RNF207: variants seen among roughly 807,000 people sequenced by gnomAD.
RNF207 encodes the protein ring finger protein 207.
RNF207 carries 72 observed loss-of-function variants against 79.0 expected under a neutral mutation model. That is an observed-to-expected ratio of 0.91 (90% CI 0.75 to 1.11). RNF207 has a LOEUF of 1.11. Among genes scored for constraint, RNF207 ranks in the 50% least tolerant of loss-of-function variants. The pLI, the probability that RNF207 is intolerant of heterozygous loss-of-function variation, is 0.00. For synonymous variants in RNF207, 348 were observed against 366.2 expected (o/e 0.95, Z 0.57); for missense variants, 936 against 855.8 (o/e 1.09, Z -1.17).
intron 16 of RNF207, 42 bp from the exon 17 acceptor site, chr1:6,218,246 TG>T: frequency 7.1e-7 from 1 of 1,402,108 alleles, no homozygotes; most frequent in African/African-American, 1.4e-5. Context: ...GTGCAGCAGC[TG>T]GCTCTGCTCC....
At position 6,217,949 on chromosome 1, in the gene RNF207, G is replaced by C. The variant is rs1469477548; in HGVS notation, c.1653-340G>C. Among the ~76,000 whole-genome samples, 1 of 152,162 alleles carries C rather than the reference G, an allele frequency of 6.6e-6. No homozygotes were observed. The highest frequency in any genetic ancestry group is 1.5e-5 in the Non-Finnish European group (1 of 68,036). ...TGGAGTATTCACAGACCCTCAGTCG[G>C]GCCCCAGCTTGGATGAGTGTCAGCA... is the stretch of plus-strand genomic sequence containing the variant. On this transcript the variant is annotated intron_variant, in intron 16 of 17. Coordinates refer to ENST00000377939, the MANE Select transcript of RNF207 (RefSeq NM_207396.3). This position sits in a 1 kb window ranked among gnomAD's most constrained non-coding sequence, Gnocchi z 4.2.
intron 17 of RNF207, among the ~76,000 whole-genome samples, chr1:6,218,926 A>G (rs910938533): frequency 6.6e-6 from 1 of 152,202 alleles, no homozygotes; most frequent in Non-Finnish European, 1.5e-5. Flanking sequence ...GTGACAGAGC[A>G]GAGTCTGGCC....
chr1:6,213,191 C>T lies in RNF207; in HGVS notation c.1652+8C>T, dbSNP rs769619776. 1.3e-6 allele frequency: 2 copies of T among 1,577,724 alleles called. No homozygotes were observed. The highest frequency in any genetic ancestry group is 3.4e-5 in the Admixed American group (2 of 59,618). ...GGAGCGGCTGGAGCCCAGGTGAGGCCAAGGGGGTGTTCCCAGGGCCACTGA... is the reference window on the plus strand; with the variant it reads ...GGAGCGGCTGGAGCCCAGGTGAGGCTAAGGGGGTGTTCCCAGGGCCACTGA... On this transcript the variant is annotated splice_region_variant and intron_variant, in intron 16 of 17. Transcript: ENST00000377939.
intron 16 of RNF207, among the ~76,000 whole-genome samples, chr1:6,214,626 C>CTTTTTTT (rs1553148919): frequency 2.4e-4 from 23 of 95,596 alleles, no homozygotes; most frequent in African/African-American, 1.4e-3. Flanking sequence ...TGGAATATTT[C>CTTTTTTT]TTTCTTTTTT....
chr1:6,209,067 G>A, intron 4 of RNF207, 42 bp downstream of exon 4: 1 of 1,539,028 alleles, frequency 6.5e-7, no homozygotes, highest in Non-Finnish European at 8.8e-7. Context: ...GGGTGGGGGC[G>A]GGGCGGGCAC....
chr1:6,218,407 T>C, intron 17 of RNF207, 38 bp downstream of exon 17: 1 of 1,478,246 alleles, frequency 6.8e-7, no homozygotes, highest in East Asian at 2.3e-5. Flanking sequence ...GTGCACGCGA[T>C]GTGGCTTCTG....
rs750349927 is a variant in RNF207, at chr1:6,219,420, G to C, written c.*13G>C. On this transcript the variant is annotated 3_prime_UTR_variant, in exon 18 of 18. Transcript: ENST00000377939. ...ACACCCGACTTAGCAAATGGGACCGGTCCCCAGGGTCAGGCTCTTAGAGCA... is the reference window on the plus strand; with the variant it reads ...ACACCCGACTTAGCAAATGGGACCGCTCCCCAGGGTCAGGCTCTTAGAGCA... The C allele has an allele frequency of 1.3e-6, 2 of 1,584,830 alleles. No homozygotes were observed. Among genetic ancestry groups the C allele is most frequent in the South Asian group, 1.1e-5 (1 of 88,056 alleles).
At position 6,219,415 on chromosome 1, in the gene RNF207, G is replaced by C. The variant is rs763753989; in HGVS notation, c.*8G>C. The C allele has an allele frequency of 1.3e-6, 2 of 1,592,252 alleles. No homozygotes were observed. Among genetic ancestry groups the C allele is most frequent in the Non-Finnish European group, 8.6e-7 (1 of 1,167,736 alleles). The stretch of plus-strand genomic sequence containing the variant: ...AGGGAACACCCGACTTAGCAAATGG[G>C]ACCGGTCCCCAGGGTCAGGCTCTTA... On this transcript the variant is annotated 3_prime_UTR_variant, in exon 18 of 18. Transcript: ENST00000377939.
At chr1:6,210,664 G>A (rs1266800540) in intron 10 of RNF207, 11 of 641,258 alleles carry the variant, frequency 1.7e-5, no homozygotes, top group Non-Finnish European at 2.8e-5. Context: ...GTGGGGCGGA[G>A]TGACCACTGG....
rs868617725 is a variant in RNF207, at chr1:6,206,837, G to T, written c.191+111G>T. The T allele has an allele frequency of 5.9e-5, 50 of 853,496 alleles. No individual in the cohort carries two copies. In the Middle Eastern group the frequency reaches 3.7e-3, roughly 63 times the overall value. The allele number at this position is 853,496 out of a possible 1,614,324, so 52.9% of individuals were successfully genotyped here. Reference sequence around the variant, plus strand: ...CAGGAGAGTAAGGCTCCAACTTCAGGCAGAACGACTGGGAGATACTGCACC... The same window carrying T: ...CAGGAGAGTAAGGCTCCAACTTCAGTCAGAACGACTGGGAGATACTGCACC... On this transcript the variant is annotated intron_variant, in intron 2 of 17. Coordinates refer to ENST00000377939, the MANE Select transcript of RNF207 (RefSeq NM_207396.3).
rs367922134 is a variant in RNF207, at chr1:6,213,170, C to T, written c.1639C>T (p.Arg547Trp). 216 of 1,610,108 alleles carry T rather than the reference C, an allele frequency of 1.3e-4. No homozygotes were observed. Among genetic ancestry groups the T allele is most frequent in the Non-Finnish European group, 1.7e-4 (206 of 1,177,450 alleles). The change falls in exon 16 of 18, where the codon CGG becomes TGG. Residue 547 changes from arginine to tryptophan, a missense_variant. Arg to Trp is a moderately radical substitution (Grantham distance 101). Transcript: ENST00000377939. ...CCGCTCCATTGCCAAGGTGAAGGAG[C>T]GGCTGGAGCCCAGGTGAGGCCAAGG... ...YVRSIAKVKE[R>W]LEPRFQAPVD...
In RNF207 at chr1:6,219,267, GAGAA is replaced by G; in HGVS notation, c.1766_1769del (p.Glu589GlyfsTer21). On this transcript the variant is annotated frameshift_variant, in exon 18 of 18. Coordinates refer to ENST00000377939, the MANE Select transcript of RNF207 (RefSeq NM_207396.3). LOFTEE classifies it low-confidence loss of function (END_TRUNC). The stretch of plus-strand genomic sequence containing the variant: ...TCCAGGAAGTGTCCCGGAAAAGAGA[GAGAA>G]GACATCAGAGCCTAAAGGAAACAGC... 1 of 1,612,586 alleles carries G rather than the reference GAGAA, an allele frequency of 6.2e-7. No individual in the cohort carries two copies. Among genetic ancestry groups the G allele is most frequent in the South Asian group, 1.1e-5 (1 of 90,898 alleles).
chr1:6,216,705 C>T (rs939485658), intron 16 of RNF207, among the ~76,000 whole-genome samples: 1 of 151,602 alleles, frequency 6.6e-6, no homozygotes, highest in Non-Finnish European at 1.5e-5. Flanking sequence ...GGACTACAGG[C>T]GTGTGCCACC....
In RNF207 at chr1:6,209,095, ACCGC is replaced by A. The variant is rs1164067148; in HGVS notation, c.470-14_470-11del. ...GCGGGCACTGACCGGAGCCCTCACCACCGCCCGCCGCCCCCGCAGCGCTGCACGC... is the reference window on the plus strand; with the variant it reads ...GCGGGCACTGACCGGAGCCCTCACCACCGCCGCCCCCGCAGCGCTGCACGC... On this transcript the variant is annotated splice_polypyrimidine_tract_variant and intron_variant, in intron 4 of 17. Transcript: ENST00000377939. The A allele has an allele frequency of 6.5e-7, 1 of 1,548,398 alleles. No homozygotes were observed. Among genetic ancestry groups the A allele is most frequent in the East Asian group, 2.4e-5 (1 of 40,902 alleles).
intron 4 of RNF207, 33 bp from the exon 5 acceptor site, chr1:6,209,080 ACC>A: frequency 6.5e-7 from 1 of 1,546,220 alleles, no homozygotes; most frequent in Non-Finnish European, 8.7e-7. Context: ...GCGGGCACTG[ACC>A]GGAGCCCTCA....
At chr1:6,212,967 G>A (rs2100937999) in intron 15 of RNF207, 99 bp from the exon 16 acceptor site, 1 of 861,300 alleles carries the variant, frequency 1.2e-6, no homozygotes, top group South Asian at 1.5e-5. Flanking sequence ...AGGTCATCAT[G>A]GAAATGGTCG....
In RNF207 at chr1:6,206,639, C is replaced by T. The variant is rs919519328; in HGVS notation, c.104C>T (p.Pro35Leu). Residue 35 changes from proline to leucine, a missense_variant, in exon 2 of 18, where the codon CCG (proline) becomes CTG (leucine). Physicochemically the swap from Pro to Leu is moderately conservative, Grantham distance 98. Transcript: ENST00000377939. ...CPLCHVQYER[P>L]CLLDCFHDFC... ...CTGTGCCACGTGCAGTACGAGCGCC[C>T]GTGTCTTCTGGACTGTTTCCACGAC... 6.2e-7 allele frequency: 1 copy of T among 1,608,246 alleles called. No homozygotes were observed. The highest frequency in any genetic ancestry group is 8.5e-7 in the Non-Finnish European group (1 of 1,179,866).
In RNF207 at chr1:6,208,884, G is replaced by T. The variant is rs1032976303; in HGVS notation, c.328G>T (p.Val110Leu). The T allele has an allele frequency of 5.9e-6, 9 of 1,529,212 alleles. No individual in the cohort carries two copies. The African/African-American group carries it at 1.1e-4, about 19-fold the overall frequency. The allele number at this position is 1,529,212 out of a possible 1,614,324, so 94.7% of individuals were successfully genotyped here. A position where few individuals can be genotyped will look rare whatever the true frequency, so the allele number is the denominator to read the frequency against. Residue 110 changes from valine (V) to leucine (L), a missense_variant, in exon 4 of 18, where the codon GTG becomes TTG. Val to Leu is a conservative substitution (Grantham distance 32). Transcript: ENST00000377939. ...NCDLECSEQD[V>L]ETTYFCNTCG... ...TGAGCCCGCGCTCGGCCCGCAGGAC[G>T]TGGAGACCACGTACTTCTGCAACAC...
chr1:6,216,106 A>G (rs542886432), intron 16 of RNF207, among the ~76,000 whole-genome samples: 1 of 151,976 alleles, frequency 6.6e-6, no homozygotes, highest in South Asian at 2.1e-4. Context: ...GTTTCAGTAC[A>G]TTTCTTGTCT....
Sources: gnomAD v4.1 joint callset for allele counts (sites outside exome capture counted in the v4.1 genomes callset) on GRCh38, gnomAD v4.1.1 for gene constraint, Gnocchi (gnomAD v3.1) non-coding constraint, MANE v1.5 for transcripts, NCBI Gene and HGNC (gene_info 2026-07-23, HGNC 2026-07-21) for gene names.